The following CTNNA1 variants were observed in gnomAD, a reference collection of about 807,000 sequenced individuals.
CTNNA1 encodes catenin alpha-1.
In CTNNA1, 37 loss-of-function variants were observed where a neutral mutation model predicts 98.4. The observed-to-expected ratio is 0.38, with a 90% CI of 0.29 to 0.49. The LOEUF (loss-of-function observed/expected upper bound fraction) is 0.49. Ranked by LOEUF, CTNNA1 falls within the 20% of genes least tolerant of loss-of-function variation. The pLI, the probability that CTNNA1 is intolerant of heterozygous loss-of-function variation, is 0.95. For synonymous variants in CTNNA1, 404 were observed against 413.2 expected (o/e 0.98, Z 0.27); for missense variants, 761 against 1,147.2 (o/e 0.66, Z 4.86).
intron 4 of CTNNA1, among the ~76,000 whole-genome samples, chr5:138,811,722 C>T (rs983870448): frequency 6.6e-6 from 1 of 152,188 alleles, no homozygotes; most frequent in Admixed American, 6.5e-5. Context: ...TGGAGACCAG[C>T]CCGGCCAACA....
intron 13 of CTNNA1, among the ~76,000 whole-genome samples, chr5:138,925,951 T>G (rs1763922218): frequency 6.6e-6 from 1 of 152,170 alleles, no homozygotes; most frequent in Non-Finnish European, 1.5e-5. Flanking sequence ...AAGGGGCCTC[T>G]ATGGCATCTG....
chr5:138,812,915 A>G (rs1758992421), intron 5 of CTNNA1, among the ~76,000 whole-genome samples: 1 of 152,200 alleles, frequency 6.6e-6, no homozygotes, highest in Non-Finnish European at 1.5e-5. Flanking sequence ...GAAGATCCAT[A>G]TATTGCTATC....
In CTNNA1 at chr5:138,874,348, A is replaced by C; in HGVS notation, c.1063-11864A>C. On this transcript the variant is annotated intron_variant, in intron 7 of 17. Transcript: ENST00000302763. This position sits in a 1 kb window ranked among gnomAD's most constrained non-coding sequence, Gnocchi z 4.1. Reference sequence around the variant, plus strand: ...GATCTCTTTCGAGCTCTGTGATGTGATTGTGCCTCAGGGACAGGCCCAGAG... The same window carrying C: ...GATCTCTTTCGAGCTCTGTGATGTGCTTGTGCCTCAGGGACAGGCCCAGAG... The C allele has an allele frequency of 1.2e-6, 2 of 1,613,996 alleles. No homozygotes were observed. The highest frequency in any genetic ancestry group is 1.7e-6 in the Non-Finnish European group (2 of 1,179,900).
chr5:138,825,321 T>C (rs1229491407), intron 6 of CTNNA1, among the ~76,000 whole-genome samples: 3 of 152,162 alleles, frequency 2.0e-5, no homozygotes, highest in Non-Finnish European at 2.9e-5. Context: ...AAATTTGGGA[T>C]TAAAATACTT....
At chr5:138,831,808 A>G (rs6596456) in intron 7 of CTNNA1, among the ~76,000 whole-genome samples, 95,907 of 152,062 alleles carry the variant, frequency 0.63, 31,478 homozygotes, top group East Asian at 0.89. Flanking sequence ...TTCATGGTCT[A>G]GTATAATGCT....
chr5:138,838,827 C>A (rs1012142910), intron 7 of CTNNA1, among the ~76,000 whole-genome samples: 12 of 152,014 alleles, frequency 7.9e-5, no homozygotes, highest in Non-Finnish European at 1.5e-4. Flanking sequence ...GATCGGGTCT[C>A]ATCGTGTTAC....
chr5:138,846,444 A>G (rs1762736119), intron 7 of CTNNA1, among the ~76,000 whole-genome samples: 1 of 152,260 alleles, frequency 6.6e-6, no homozygotes. Flanking sequence ...AATTATTTAA[A>G]GATATTTACA....
intron 3 of CTNNA1, among the ~76,000 whole-genome samples, chr5:138,805,788 T>C (rs1365125254): frequency 2.0e-5 from 3 of 151,686 alleles, no homozygotes; most frequent in Non-Finnish European, 4.4e-5. Context: ...GTTCTTTATA[T>C]ATTCTGGATA....
In CTNNA1 at chr5:138,810,097, C is replaced by A. The variant is rs1043413100; in HGVS notation, c.361C>A (p.Arg121=). 2 of 1,614,108 alleles carry A rather than the reference C, an allele frequency of 1.2e-6. No individual in the cohort carries two copies. The highest frequency in any genetic ancestry group is 2.7e-5 in the African/African-American group (2 of 75,042). The change falls in exon 4 of 18, where the codon CGA becomes AGA. Residue 121 remains arginine, a synonymous_variant. Coordinates refer to ENST00000302763, the MANE Select transcript of CTNNA1 (RefSeq NM_001903.5). ...AGATGATCCCTGCTCTTCTGTGAAG[C>A]GAGGCAACATGGTTCGGGCAGCTCG... ...FADDPCSSVK[R]GNMVRAARAL...
chr5:138,927,714 G>T (rs976990755), intron 13 of CTNNA1, among the ~76,000 whole-genome samples: 2 of 79,356 alleles, frequency 2.5e-5, no homozygotes, highest in Non-Finnish European at 6.3e-5. Context: ...GAGAGATAAT[G>T]AATGAATGAA....
At chr5:138,918,227 C>T (rs1762211045) in intron 11 of CTNNA1, among the ~76,000 whole-genome samples, 2 of 152,086 alleles carry the variant, frequency 1.3e-5, no homozygotes, top group South Asian at 4.2e-4. Flanking sequence ...CGGTAGAACA[C>T]CAGGACCATC....
intron 13 of CTNNA1, among the ~76,000 whole-genome samples, chr5:138,927,092 A>AC (rs1663027163): frequency 6.6e-6 from 1 of 152,146 alleles, no homozygotes; most frequent in African/African-American, 2.4e-5. Context: ...CGTCTAAGCC[A>AC]CCAGCACCTC....
intron 9 of CTNNA1, among the ~76,000 whole-genome samples, chr5:138,889,880 T>A (rs1754972627): frequency 6.6e-6 from 1 of 152,234 alleles, no homozygotes; most frequent in Admixed American, 6.5e-5. Flanking sequence ...AATAAATTTT[T>A]AAAGTGTTGT....
At chr5:138,836,342 T>C (rs1168966878) in intron 7 of CTNNA1, among the ~76,000 whole-genome samples, 2 of 152,262 alleles carry the variant, frequency 1.3e-5, no homozygotes, top group African/African-American at 4.8e-5. Flanking sequence ...AGTTCATCCA[T>C]GTTGTAGAGC....
chr5:138,772,411 C>G (rs1468753431), intron 1 of CTNNA1, among the ~76,000 whole-genome samples: 1 of 152,162 alleles, frequency 6.6e-6, no homozygotes, highest in Non-Finnish European at 1.5e-5. Context: ...AAGGAGTGCT[C>G]TGTAAGTTAA....
At chr5:138,898,771 C>T (rs903573177) in intron 9 of CTNNA1, among the ~76,000 whole-genome samples, 18 of 152,178 alleles carry the variant, frequency 1.2e-4, no homozygotes, top group African/African-American at 4.3e-4. Flanking sequence ...TCCCATCATT[C>T]TCTCTGTTCT....
At chr5:138,798,307 C>T (rs1757181658) in intron 3 of CTNNA1, among the ~76,000 whole-genome samples, 1 of 152,172 alleles carries the variant, frequency 6.6e-6, no homozygotes, top group Non-Finnish European at 1.5e-5. Flanking sequence ...AGAGATAAAA[C>T]AACCCAAAGT....
chr5:138,791,354 C>T (rs957695754), intron 3 of CTNNA1, among the ~76,000 whole-genome samples: 11 of 152,078 alleles, frequency 7.2e-5, no homozygotes, highest in African/African-American at 2.7e-4. Flanking sequence ...TGCGGTGGCT[C>T]ATGTCTGTAA....
intron 1 of CTNNA1, among the ~76,000 whole-genome samples, chr5:138,775,862 A>G (rs1037644485): frequency 8.6e-5 from 13 of 150,776 alleles, no homozygotes; most frequent in African/African-American, 2.4e-4. Flanking sequence ...AGCTGGGACT[A>G]CAGGCACCTG....
Sources: gnomAD v4.1 joint callset for allele counts (sites outside exome capture counted in the v4.1 genomes callset) on GRCh38, gnomAD v4.1.1 for gene constraint, Gnocchi (gnomAD v3.1) non-coding constraint, MANE v1.5 for transcripts, NCBI Gene and HGNC (gene_info 2026-07-23, HGNC 2026-07-21) for gene names.